The following RCAN2 variants were observed in gnomAD, a reference collection of about 807,000 sequenced individuals.
The protein encoded by RCAN2 is calcipressin-2.
A neutral mutation model predicts 23.6 loss-of-function variants in RCAN2; 9 were observed. That is an observed-to-expected ratio of 0.38 (90% CI 0.23 to 0.67). The LOEUF (loss-of-function observed/expected upper bound fraction) is 0.67. Among genes scored for constraint, RCAN2 ranks in the 30% least tolerant of loss-of-function variants. The probability of loss-of-function intolerance (pLI) is 0.51; values close to 1 mark genes in which losing one functional copy is unlikely to be tolerated. For missense variants in RCAN2, 273 were observed against 302.3 expected (o/e 0.90, Z 0.72); for synonymous variants, 109 against 115.7 (o/e 0.94, Z 0.37).
intron 2 of RCAN2, among the ~76,000 whole-genome samples, chr6:46,255,996 G>A (rs1766901755): frequency 1.3e-5 from 2 of 152,150 alleles, no homozygotes; most frequent in South Asian, 4.1e-4. Context: ...GAGAGGATAT[G>A]GAGTGATTAT....
chr6:46,349,893 C>T (rs925182345), intron 2 of RCAN2, among the ~76,000 whole-genome samples: 1 of 152,132 alleles, frequency 6.6e-6, no homozygotes, highest in African/African-American at 2.4e-5. Context: ...CATATCATTC[C>T]CTGCTCTCAC....
intron 2 of RCAN2, among the ~76,000 whole-genome samples, chr6:46,372,039 C>T (rs1420866057): frequency 6.6e-6 from 1 of 152,060 alleles, no homozygotes; most frequent in Non-Finnish European, 1.5e-5. Context: ...TATGCATGGC[C>T]CAGAACCAGG....
intron 2 of RCAN2, among the ~76,000 whole-genome samples, chr6:46,442,100 A>C (rs1431181677): frequency 6.6e-6 from 1 of 152,214 alleles, no homozygotes; most frequent in Non-Finnish European, 1.5e-5. Flanking sequence ...GACTAGATTC[A>C]AGGAAGTCAA....
At chr6:46,478,606 A>T (rs543389908) in intron 1 of RCAN2, among the ~76,000 whole-genome samples, 1 of 152,064 alleles carries the variant, frequency 6.6e-6, no homozygotes, top group Non-Finnish European at 1.5e-5. Context: ...TTTCCATCAG[A>T]CCTCACTGCC....
chr6:46,469,394 A>T lies in RCAN2; in HGVS notation c.-2-12416T>A, dbSNP rs112377964. 9.3e-3 allele frequency among the ~76,000 whole-genome samples: 1,413 copies of T among 152,302 alleles called. 24 individuals are homozygous for T. Among genetic ancestry groups the T allele is most frequent in the African/African-American group, 0.033 (1,356 of 41,570 alleles). The stretch of plus-strand genomic sequence containing the variant: ...CTGCTGCAATTGGGACCAGTTCACC[A>T]CATCCCTCACCCCCTCCAGCAGCTG... On this transcript the variant is annotated intron_variant, in intron 1 of 4. Coordinates refer to ENST00000371374, the MANE Select transcript of RCAN2 (RefSeq NM_001251974.2).
intron 2 of RCAN2, among the ~76,000 whole-genome samples, chr6:46,343,375 A>ATTAT: frequency 7.4e-6 from 1 of 135,680 alleles, no homozygotes; most frequent in East Asian, 2.2e-4. Flanking sequence ...TGGGAAAACA[A>ATTAT]TTTTTTTTTT....
At chr6:46,325,568 GGCCTCGGT>G in intron 2 of RCAN2, 1 of 1,562,828 alleles carries the variant, frequency 6.4e-7, no homozygotes, top group Non-Finnish European at 8.6e-7. Context: ...GCTGTGGCCA[GGCCTCGGT>G]GCTGCCTTGC....
intron 2 of RCAN2, among the ~76,000 whole-genome samples, chr6:46,365,123 T>C (rs1210823533): frequency 1.3e-5 from 2 of 152,166 alleles, no homozygotes; most frequent in Non-Finnish European, 2.9e-5. Flanking sequence ...ATAAAGTACA[T>C]GATAAATGTA....
intron 2 of RCAN2, among the ~76,000 whole-genome samples, chr6:46,404,616 G>T (rs1171050990): frequency 6.6e-6 from 1 of 152,042 alleles, no homozygotes; most frequent in Non-Finnish European, 1.5e-5. Context: ...ATATTTCTTG[G>T]TATAAGCTAA....
chr6:46,348,044 T>C (rs1764541001), intron 2 of RCAN2, among the ~76,000 whole-genome samples: 1 of 152,200 alleles, frequency 6.6e-6, no homozygotes, highest in Admixed American at 6.5e-5. Context: ...TACATTGTGA[T>C]TTAAATGGAA....
intron 4 of RCAN2, among the ~76,000 whole-genome samples, chr6:46,228,706 T>G (rs1217816306): frequency 6.6e-6 from 1 of 152,210 alleles, no homozygotes; most frequent in Non-Finnish European, 1.5e-5. Flanking sequence ...TACAGCACAC[T>G]GATGGGTCTT....
intron 2 of RCAN2, among the ~76,000 whole-genome samples, chr6:46,448,430 A>T (rs1361285699): frequency 1.3e-5 from 2 of 151,880 alleles, no homozygotes; most frequent in Non-Finnish European, 3.0e-5. Flanking sequence ...AATTATTCTC[A>T]AACTTTTTCC....
chr6:46,337,651 A>G (rs1272076089), intron 2 of RCAN2, among the ~76,000 whole-genome samples: 2 of 152,188 alleles, frequency 1.3e-5, no homozygotes, highest in Non-Finnish European at 2.9e-5. Flanking sequence ...AACTTTAGTC[A>G]TCTTTGAATT....
intron 2 of RCAN2, among the ~76,000 whole-genome samples, chr6:46,346,477 T>A (rs921010110): frequency 3.3e-5 from 5 of 152,162 alleles, no homozygotes; most frequent in African/African-American, 9.7e-5. Context: ...TAAATATTTA[T>A]GTGCAAGAAT....
In RCAN2 at chr6:46,223,090, G is replaced by C. The variant is rs980518402; in HGVS notation, c.*51C>G. On this transcript the variant is annotated 3_prime_UTR_variant, in exon 5 of 5. Coordinates refer to ENST00000371374, the MANE Select transcript of RCAN2 (RefSeq NM_001251974.2). ...AATTTTTTTTGACAAACAACAGGGG[G>C]AAAAAGCATGATAAAGAGGAGACGG... 4 of 1,590,552 alleles carry C rather than the reference G, an allele frequency of 2.5e-6. No individual in the cohort carries two copies. Among genetic ancestry groups the C allele is most frequent in the Non-Finnish European group, 3.4e-6 (4 of 1,168,314 alleles).
intron 1 of RCAN2, among the ~76,000 whole-genome samples, chr6:46,482,586 T>C (rs1768893403): frequency 6.6e-6 from 1 of 152,204 alleles, no homozygotes; most frequent in Admixed American, 6.5e-5. Context: ...TTGGATTTTC[T>C]TTCCTAAAAG....
At chr6:46,375,659 A>G (rs1269441290) in intron 2 of RCAN2, among the ~76,000 whole-genome samples, 1 of 152,226 alleles carries the variant, frequency 6.6e-6, no homozygotes, top group Non-Finnish European at 1.5e-5. Flanking sequence ...AACTTTTGCC[A>G]TAAAGAGCCA....
chr6:46,312,839 G>A (rs1763307682), intron 2 of RCAN2, among the ~76,000 whole-genome samples: 1 of 152,198 alleles, frequency 6.6e-6, no homozygotes, highest in Admixed American at 6.5e-5. Context: ...AGAGGTATTT[G>A]CAAGTGGCTC....
intron 2 of RCAN2, among the ~76,000 whole-genome samples, chr6:46,305,422 C>T (rs1763031373): frequency 6.6e-6 from 1 of 152,076 alleles, no homozygotes; most frequent in Non-Finnish European, 1.5e-5. Context: ...TTCTTTGCTT[C>T]CCTTCACTTG....
Sources: gnomAD v4.1 joint callset for allele counts (sites outside exome capture counted in the v4.1 genomes callset) on GRCh38, gnomAD v4.1.1 for gene constraint, MANE v1.5 for transcripts, NCBI Gene and HGNC (gene_info 2026-07-23, HGNC 2026-07-21) for gene names.